The following HELQ variants were observed in gnomAD, a reference collection of about 807,000 sequenced individuals.
HELQ encodes helicase, POLQ like.
HELQ carries 77 observed loss-of-function variants against 111.6 expected under a neutral mutation model. The ratio of observed to expected loss-of-function variants is 0.69; its 90% CI spans 0.57 to 0.83. The LOEUF is 0.83. Among genes scored for constraint, HELQ ranks in the 40% least tolerant of loss-of-function variants. The pLI, the probability that HELQ is intolerant of heterozygous loss-of-function variation, is 0.00. For missense variants in HELQ, 1,200 were observed against 1,288.5 expected, an observed-to-expected ratio of 0.93 and a Z score of 1.05; for synonymous variants, 438 against 454.7, an observed-to-expected ratio of 0.96 and a Z score of 0.47.
At chr4:83,430,111 A>C (rs1239450870) in intron 11 of HELQ, among the ~76,000 whole-genome samples, 2 of 151,772 alleles carry the variant, frequency 1.3e-5, no homozygotes, top group Non-Finnish European at 2.9e-5. Flanking sequence ...CCTGCACTGC[A>C]TTCCACCCAA....
intron 17 of HELQ, among the ~76,000 whole-genome samples, chr4:83,409,908 A>C (rs1473654183): frequency 1.3e-5 from 2 of 152,110 alleles, no homozygotes; most frequent in African/African-American, 4.8e-5. Context: ...AAAAAACCTA[A>C]TTAGGGCCAC....
chr4:83,431,688 TA>T lies in HELQ; in HGVS notation c.2270del (p.Leu757TyrfsTer5), dbSNP rs779252429. ...CCTTCAAACCAATCAAAGAGAGAAATAATGTTTGGATTCCCTTGGTGAATTC... is the reference window on the plus strand; with the variant it reads ...CCTTCAAACCAATCAAAGAGAGAAATATGTTTGGATTCCCTTGGTGAATTC... ...VQEFTKGIQT[L>X]FLSLIGLKIA... On this transcript the variant is annotated frameshift_variant, in exon 11 of 18. Coordinates refer to ENST00000295488, the MANE Select transcript of HELQ (RefSeq NM_133636.5). LOFTEE classifies it high-confidence loss of function. The T allele has an allele frequency of 4.5e-6, 7 of 1,552,044 alleles. No homozygotes were observed. The South Asian group carries it at 8.5e-5, about 19-fold the overall frequency.
intron 17 of HELQ, among the ~76,000 whole-genome samples, chr4:83,408,022 A>T (rs1738879669): frequency 6.6e-6 from 1 of 152,226 alleles, no homozygotes; most frequent in South Asian, 2.1e-4. Flanking sequence ...TAAAACTGTT[A>T]ATTTCAAAAG....
At chr4:83,425,858 C>T (rs946073543) in intron 14 of HELQ, 136 bp downstream of exon 14, 21 of 560,132 alleles carry the variant, frequency 3.7e-5, no homozygotes, top group Admixed American at 3.2e-4. Context: ...GTAAAATGAA[C>T]GTTATACTAA....
intron 15 of HELQ, among the ~76,000 whole-genome samples, chr4:83,420,951 C>T (rs1024497760): frequency 1.3e-5 from 2 of 148,258 alleles, no homozygotes; most frequent in Non-Finnish European, 3.0e-5. Context: ...GGACCACAGG[C>T]GTGTGCCACC....
rs539763071 is a variant in HELQ at position 83,435,538 on chromosome 4, C to T, written c.2048+1320G>A. Among the ~76,000 whole-genome samples, 29 of 149,330 alleles carry T rather than the reference C, an allele frequency of 1.9e-4. 1 individual carries two copies. The South Asian group carries it at 5.1e-3, about 26-fold the overall frequency. On this transcript the variant is annotated intron_variant, in intron 9 of 17. Coordinates refer to ENST00000295488, the MANE Select transcript of HELQ (RefSeq NM_133636.5). ...AGTCAAAATGTTTTACCCCCTAAAG[C>T]GGTATTCTAAAAAGGATTACTCAAG...
At chr4:83,409,919 T>C (rs1738996783) in intron 17 of HELQ, among the ~76,000 whole-genome samples, 2 of 152,076 alleles carry the variant, frequency 1.3e-5, no homozygotes, top group Non-Finnish European at 2.9e-5. Flanking sequence ...TTAGGGCCAC[T>C]GAAAAAATTT....
chr4:83,418,059 A>T, intron 16 of HELQ, 34 bp downstream of exon 16: 1 of 1,190,090 alleles, frequency 8.4e-7, no homozygotes, highest in Non-Finnish European at 1.2e-6. Flanking sequence ...TTAATTCAAC[A>T]TAATTTCAAT....
chr4:83,437,815 T>C (rs116402198), intron 8 of HELQ, among the ~76,000 whole-genome samples: 1,767 of 152,182 alleles, frequency 0.012, 27 homozygotes, highest in African/African-American at 0.041. Context: ...TTTAAAGACA[T>C]AAATTTTCTT....
At chr4:83,410,836 T>C (rs34022240) in intron 17 of HELQ, among the ~76,000 whole-genome samples, 48,917 of 151,722 alleles carry the variant, frequency 0.32, 13,638 homozygotes, top group African/African-American at 0.76. Flanking sequence ...CCCCCTCAGA[T>C]CCTAGCATCC....
In HELQ at chr4:83,448,704, C is replaced by G. The variant is rs1244631582; in HGVS notation, c.1191+79G>C. On this transcript the variant is annotated intron_variant, in intron 3 of 17. Coordinates refer to ENST00000295488, the MANE Select transcript of HELQ (RefSeq NM_133636.5). ...AAAAAAGAGGTACTTCTCAACAATACAAAGTTATCACATTTACAGATCTTA... is the reference window on the plus strand; with the variant it reads ...AAAAAAGAGGTACTTCTCAACAATAGAAAGTTATCACATTTACAGATCTTA... 13 of 1,115,774 alleles carry G rather than the reference C, an allele frequency of 1.2e-5. No individual in the cohort carries two copies. The East Asian group carries it at 3.0e-4, about 26-fold the overall frequency. The allele number at this position is 1,115,774 out of a possible 1,614,324, so 69.1% of individuals were successfully genotyped here.
chr4:83,420,374 C>T (rs1444324510), intron 15 of HELQ, among the ~76,000 whole-genome samples: 2 of 152,198 alleles, frequency 1.3e-5, no homozygotes, highest in Non-Finnish European at 2.9e-5. Flanking sequence ...CGGCTCATGC[C>T]TGTAATCCCA....
At chr4:83,441,768 G>GT (rs1446974049) in intron 6 of HELQ, among the ~76,000 whole-genome samples, 9 of 136,962 alleles carry the variant, frequency 6.6e-5, no homozygotes, top group African/African-American at 2.4e-4. Flanking sequence ...CTAAAACTTT[G>GT]TCTTTTTTTT....
intron 14 of HELQ, 83 bp downstream of exon 14, chr4:83,425,911 T>C: frequency 1.4e-6 from 1 of 705,322 alleles, no homozygotes; most frequent in South Asian, 1.9e-5. Flanking sequence ...AATATAATGG[T>C]ACTAATTTTG....
intron 14 of HELQ, among the ~76,000 whole-genome samples, chr4:83,424,990 G>A (rs1171824684): frequency 6.6e-6 from 1 of 152,070 alleles, no homozygotes; most frequent in Non-Finnish European, 1.5e-5. Context: ...AGAGGAGGTT[G>A]GGTGTGGTGG....
At position 83,429,745 on chromosome 4, in the gene HELQ, A is replaced by G. The variant is rs369861870; in HGVS notation, c.2297T>C (p.Ile766Thr). Residue 766 changes from isoleucine to threonine, a missense_variant and splice_region_variant, in exon 12 of 18, where the codon ATT becomes ACT. This residue lies in a region of HELQ where 585 missense variants were observed against 665.3 expected (regional missense o/e 0.88). Coordinates refer to ENST00000295488, the MANE Select transcript of HELQ (RefSeq NM_133636.5). ...TLFLSLIGLK[I>T]ATNLDDIYHF... ...ATAGATGTCATCAAGATTCGTTGCA[A>G]TCTGAAACAATTCAGGATATCATTG... 4 of 1,597,340 alleles carry G rather than the reference A, an allele frequency of 2.5e-6. No homozygotes were observed. The highest frequency in any genetic ancestry group is 2.2e-5 in the South Asian group (2 of 90,032).
chr4:83,419,413 T>C (rs531333067), intron 15 of HELQ, among the ~76,000 whole-genome samples: 2 of 150,064 alleles, frequency 1.3e-5, no homozygotes, highest in South Asian at 2.1e-4. Context: ...TCCCTGCCTC[T>C]ATTGATAATA....
intron 1 of HELQ, among the ~76,000 whole-genome samples, chr4:83,454,578 T>TA (rs1414976411): frequency 2.9e-4 from 44 of 149,526 alleles, no homozygotes; most frequent in East Asian, 1.8e-3. Flanking sequence ...CCCGGCTAAT[T>TA]AAGAAAAAAA....
chr4:83,439,891 C>T lies in HELQ; in HGVS notation c.1780G>A (p.Ala594Thr), dbSNP rs758801143. ...CTTAAAAATTTGCATATCATTTCTGCTACATTTTCACAGTTCTTCTTACTA... is the reference window on the plus strand; with the variant it reads ...CTTAAAAATTTGCATATCATTTCTGTTACATTTTCACAGTTCTTCTTACTA... Reference protein sequence around the residue: ...CPSKKNCENVAEMICKFLSKE... With the variant: ...CPSKKNCENVTEMICKFLSKE... The change falls in exon 8 of 18, where the codon GCA becomes ACA. Residue 594 changes from alanine to threonine, a missense_variant. This residue lies in a region of HELQ where 585 missense variants were observed against 665.3 expected (regional missense o/e 0.88). Coordinates refer to ENST00000295488, the MANE Select transcript of HELQ (RefSeq NM_133636.5). The T allele has an allele frequency of 8.2e-6, 13 of 1,594,422 alleles. No homozygotes were observed. The East Asian group carries it at 2.7e-4, about 33-fold the overall frequency.
Sources: allele counts gnomAD v4.1 joint callset (sites outside exome capture counted in the v4.1 genomes callset), GRCh38; gene constraint gnomAD v4.1.1; regional missense constraint gnomAD v4.1.1; transcripts MANE v1.5; gene names NCBI Gene and HGNC (gene_info 2026-07-23, HGNC 2026-07-21).